Variants in RSPRY1 observed in about 807,000 individuals in gnomAD.
The protein encoded by RSPRY1 is RING finger and SPRY domain-containing protein 1.
A neutral mutation model predicts 73.1 loss-of-function variants in RSPRY1; 23 were observed. That is an observed-to-expected ratio of 0.31 (90% confidence interval 0.23 to 0.45). RSPRY1 has a LOEUF of 0.45. Ranked by LOEUF, RSPRY1 falls within the 20% of genes least tolerant of loss-of-function variation. The pLI is 1.00. For synonymous variants in RSPRY1, 226 were observed against 251.4 expected, an observed-to-expected ratio of 0.90 and a Z score of 0.95; for missense variants, 448 against 698.7, an observed-to-expected ratio of 0.64 and a Z score of 4.05.
intron 6 of RSPRY1, among the ~76,000 whole-genome samples, chr16:57,214,594 A>G (rs62037359): frequency 1.4e-4 from 22 of 152,360 alleles, no homozygotes; most frequent in South Asian, 6.2e-4. Flanking sequence ...CTTACTCTCA[A>G]TGAGCACTCT....
At chr16:57,231,083 T>A (rs1858037871) in intron 12 of RSPRY1, 84 bp from the exon 13 acceptor site, 8 of 1,323,808 alleles carry the variant, frequency 6.0e-6, no homozygotes, top group Admixed American at 2.0e-5. Context: ...TGACTCACCC[T>A]GCCTTTCTGA....
At chr16:57,204,406 T>C (rs2074684883) in intron 1 of RSPRY1, 98 bp from the exon 2 acceptor site, 3 of 415,180 alleles carry the variant, frequency 7.2e-6, no homozygotes, top group East Asian at 8.0e-5. Context: ...TAATTCTTCA[T>C]TAGAATCCTA....
intron 8 of RSPRY1, among the ~76,000 whole-genome samples, chr16:57,219,109 T>C (rs762199329): frequency 1.3e-5 from 2 of 152,258 alleles, no homozygotes; most frequent in Non-Finnish European, 2.9e-5. Flanking sequence ...TGAATAATGC[T>C]GCAATAAACA....
chr16:57,218,902 AT>A (rs1469015003), intron 8 of RSPRY1, among the ~76,000 whole-genome samples: 1 of 138,668 alleles, frequency 7.2e-6, no homozygotes, highest in Non-Finnish European at 1.5e-5. Flanking sequence ...CGCCCGGCTA[AT>A]TTTTTTGTAT....
intron 6 of RSPRY1, 68 bp from the exon 7 acceptor site, chr16:57,216,039 C>CTGAT: frequency 8.1e-7 from 1 of 1,241,094 alleles, no homozygotes; most frequent in Admixed American, 1.9e-5. Flanking sequence ...GGAAATGAAA[C>CTGAT]TGATAACTTG....
rs756102076 is a variant in RSPRY1, at chr16:57,220,833, C to A, written c.1003C>A (p.Pro335Thr). The change falls in exon 9 of 15, where the codon CCT becomes ACT. Residue 335 changes from proline (P) to threonine (T), a missense_variant. Physicochemically the swap from Pro to Thr is conservative, Grantham distance 38. Coordinates refer to ENST00000394420, the MANE Select transcript of RSPRY1 (RefSeq NM_133368.3). ...TGTCAGCGAGTACCTGAAGATCTCACCTCATGGCTTAGAGGTAGGTAATGC... is the reference window on the plus strand; with the variant it reads ...TGTCAGCGAGTACCTGAAGATCTCAACTCATGGCTTAGAGGTAGGTAATGC... ...NDVSEYLKISPHGLEARCDAS... is the reference protein window; with the variant it reads ...NDVSEYLKISTHGLEARCDAS... 6.8e-6 allele frequency: 11 copies of A among 1,610,908 alleles called. No individual in the cohort carries two copies. The highest frequency in any genetic ancestry group is 9.3e-6 in the Non-Finnish European group (11 of 1,177,030).
chr16:57,216,149 G>A lies in RSPRY1; in HGVS notation c.745G>A (p.Ala249Thr), dbSNP rs2074936827. The A allele has an allele frequency of 8.1e-6, 13 of 1,608,852 alleles. No homozygotes were observed. Among genetic ancestry groups the A allele is most frequent in the South Asian group, 1.1e-5 (1 of 90,954 alleles). The part of the protein sequence containing the change: ...HPTVMLFALI[A>T]LEKFAQTSEN... ...CACAGTCATGCTTTTTGCACTTATC[G>A]CACTGGAAAAGTTTGCACAGACAAG... The change falls in exon 7 of 15, where the codon GCA becomes ACA. Residue 249 changes from alanine to threonine, a missense_variant. Ala to Thr is a moderately conservative substitution (Grantham distance 58). Coordinates refer to ENST00000394420, the MANE Select transcript of RSPRY1 (RefSeq NM_133368.3).
chr16:57,210,539 C>A (rs1345721882), intron 4 of RSPRY1, among the ~76,000 whole-genome samples: 1 of 151,544 alleles, frequency 6.6e-6, no homozygotes, highest in East Asian at 2.0e-4. Context: ...CCCGTCTCTA[C>A]TAAAATACCC....
chr16:57,189,491 G>A (rs1231920744), intron 1 of RSPRY1, among the ~76,000 whole-genome samples: 1 of 150,832 alleles, frequency 6.6e-6, no homozygotes, highest in Non-Finnish European at 1.5e-5. Flanking sequence ...GTAGCACTGT[G>A]GGGCCTGGAG....
At chr16:57,222,092 G>T (rs1217710806) in intron 10 of RSPRY1, among the ~76,000 whole-genome samples, 1 of 151,904 alleles carries the variant, frequency 6.6e-6, no homozygotes, top group African/African-American at 2.4e-5. Flanking sequence ...GGAATATTTT[G>T]TTTTCATATG....
intron 1 of RSPRY1, among the ~76,000 whole-genome samples, chr16:57,200,292 C>T (rs1173771728): frequency 2.0e-5 from 3 of 150,868 alleles, no homozygotes; most frequent in Non-Finnish European, 4.4e-5. Flanking sequence ...TGAAAAGTCT[C>T]CCATGTCTAC....
intron 1 of RSPRY1, among the ~76,000 whole-genome samples, chr16:57,190,210 A>G (rs1468168801): frequency 6.6e-6 from 1 of 152,086 alleles, no homozygotes; most frequent in African/African-American, 2.4e-5. Flanking sequence ...TCTACAAAAA[A>G]ATACAAAAAT....
chr16:57,233,013 G>A (rs936735521), intron 13 of RSPRY1, among the ~76,000 whole-genome samples: 5 of 152,252 alleles, frequency 3.3e-5, no homozygotes, highest in Admixed American at 2.6e-4. Context: ...CATTAAGTAT[G>A]AACTTACTTG....
rs1214389096 is a variant in RSPRY1 at position 57,209,294 on chromosome 16, G to A, written c.516+107G>A. The A allele has an allele frequency of 3.1e-5, 23 of 732,274 alleles. 1 individual carries two copies. The East Asian group carries it at 4.1e-4, about 13-fold the overall frequency. The allele number at this position is 732,274 out of a possible 1,614,324, so 45.4% of individuals were successfully genotyped here. A position where few individuals can be genotyped will look rare whatever the true frequency, so the allele number is the denominator to read the frequency against. On this transcript the variant is annotated intron_variant, in intron 4 of 14. Transcript: ENST00000394420. Reference sequence around the variant, plus strand: ...TGTGTTTCATCTTTATACATTTGGGGTCTGTTTTATTCAGTATTGATTTTG... The same window carrying A: ...TGTGTTTCATCTTTATACATTTGGGATCTGTTTTATTCAGTATTGATTTTG...
intron 5 of RSPRY1, among the ~76,000 whole-genome samples, 163 bp downstream of exon 5, chr16:57,213,261 GAGGTGAATGCAATTTA>G (rs2074878776): frequency 6.6e-6 from 1 of 152,186 alleles, no homozygotes; most frequent in South Asian, 2.1e-4. Flanking sequence ...AAAGGCTACA[GAGGTGAATGCAATTTA>G]ATTTAGCTTT....
chr16:57,228,513 G>A (rs770325048), intron 11 of RSPRY1, among the ~76,000 whole-genome samples: 5 of 151,630 alleles, frequency 3.3e-5, no homozygotes, highest in East Asian at 1.9e-4. Flanking sequence ...AGGATTATTC[G>A]AGTAATATGT....
chr16:57,216,095 G>C lies in RSPRY1; in HGVS notation c.703-12G>C, dbSNP rs749993678. On this transcript the variant is annotated splice_polypyrimidine_tract_variant and intron_variant, in intron 6 of 14. Coordinates refer to ENST00000394420, the MANE Select transcript of RSPRY1 (RefSeq NM_133368.3). ...TTTTTTTTTTTTTTTTTTATCTTTT[G>C]TTGTTTTTCAGAAGTTACAGTCCCA... The C allele has an allele frequency of 1.6e-6, 2 of 1,243,312 alleles. No individual in the cohort carries two copies. The highest frequency in any genetic ancestry group is 2.4e-5 in the Admixed American group (1 of 42,458). The allele number at this position is 1,243,312 out of a possible 1,614,324, so 77.0% of individuals were successfully genotyped here. A position where few individuals can be genotyped will look rare whatever the true frequency, so the allele number is the denominator to read the frequency against.
rs745666473 is a variant in RSPRY1, at chr16:57,239,816, TAAAA to T, written c.*846_*849del. On this transcript the variant is annotated 3_prime_UTR_variant, in exon 15 of 15. Transcript: ENST00000394420. ...TCAAATCAGATTTCTGTTTTTTTGTTAAAAAAAATTTTTTTAATCAGTATTGTTT... is the reference window on the plus strand; with the variant it reads ...TCAAATCAGATTTCTGTTTTTTTGTTAAAATTTTTTTAATCAGTATTGTTT... 1.1e-4 allele frequency: 16 copies of T among 152,172 alleles called. No homozygotes were observed. The highest frequency in any genetic ancestry group is 1.9e-4 in the Non-Finnish European group (13 of 67,996). 9.4% of individuals were successfully genotyped at this position (152,172 alleles called of 1,614,324 possible). A position where few individuals can be genotyped will look rare whatever the true frequency, so the allele number is the denominator to read the frequency against.
intron 4 of RSPRY1, among the ~76,000 whole-genome samples, chr16:57,212,630 C>G (rs1183825005): frequency 5.3e-5 from 8 of 151,962 alleles, no homozygotes; most frequent in Non-Finnish European, 1.0e-4. Flanking sequence ...CCCCCACCCC[C>G]CTGAGACGGA....
Sources: gnomAD v4.1 joint callset for allele counts (sites outside exome capture counted in the v4.1 genomes callset) on GRCh38, gnomAD v4.1.1 for gene constraint, MANE v1.5 for transcripts, NCBI Gene and HGNC (gene_info 2026-07-23, HGNC 2026-07-21) for gene names.